The following TMEM116 variants were observed in gnomAD, a reference collection of about 807,000 sequenced individuals.
The protein encoded by TMEM116 is transmembrane protein 116.
In TMEM116, 38 loss-of-function variants were observed where a neutral mutation model predicts 44.3. The ratio of observed to expected loss-of-function variants is 0.86; its 90% CI spans 0.66 to 1.12. The LOEUF (loss-of-function observed/expected upper bound fraction) is 1.12. TMEM116 is among the 50% of genes most tolerant of loss of function. TMEM116 has a pLI of 0.00. For missense variants in TMEM116, 354 were observed against 401.7 expected (o/e 0.88, Z 1.01); for synonymous variants, 132 against 144.8 (o/e 0.91, Z 0.64).
At chr12:111,983,974 C>T (rs2076087216) in intron 4 of TMEM116, among the ~76,000 whole-genome samples, 1 of 152,012 alleles carries the variant, frequency 6.6e-6, no homozygotes, top group Non-Finnish European at 1.5e-5. Flanking sequence ...GATTATACAC[C>T]ATGATGAAAT....
At chr12:111,937,287 A>C (rs374443962) in intron 6 of TMEM116, 44 bp from the exon 7 acceptor site, 1 of 1,443,154 alleles carries the variant, frequency 6.9e-7, no homozygotes, top group Non-Finnish European at 9.7e-7. Flanking sequence ...ACTCTTTTTC[A>C]TGCCCTTCCT....
intron 4 of TMEM116, among the ~76,000 whole-genome samples, chr12:111,970,586 GTT>G (rs200011351): frequency 0.019 from 2,518 of 133,438 alleles, 69 homozygotes; most frequent in African/African-American, 0.064. Flanking sequence ...AATCAAATGG[GTT>G]TTTTTTTTTT....
rs577136535 is a variant in TMEM116, at chr12:112,012,890, C to A, written c.-34+112G>T. 3.6e-3 allele frequency: 548 copies of A among 154,178 alleles called. 1 individual carries two copies. The highest frequency in any genetic ancestry group is 6.0e-3 in the Non-Finnish European group (412 of 68,160). The allele number at this position is 154,178 out of a possible 1,614,324, so 9.6% of individuals were successfully genotyped here. ...AGAGGGCCCTGCTTGCCACACTGACCGCCAAGCCTGGCCAAAAAGCTCAGG... is the reference window on the plus strand; with the variant it reads ...AGAGGGCCCTGCTTGCCACACTGACAGCCAAGCCTGGCCAAAAAGCTCAGG... On this transcript the variant is annotated intron_variant, in intron 1 of 10. Coordinates refer to ENST00000552374, the MANE Select transcript of TMEM116 (RefSeq NM_001193531.2).
At chr12:111,977,797 T>C (rs2075748039) in intron 4 of TMEM116, among the ~76,000 whole-genome samples, 1 of 152,056 alleles carries the variant, frequency 6.6e-6, no homozygotes, top group South Asian at 2.1e-4. Flanking sequence ...TGTTACAAGG[T>C]ACCTGCACTA....
At chr12:112,006,519 T>C (rs1445054609) in intron 1 of TMEM116, among the ~76,000 whole-genome samples, 1 of 152,264 alleles carries the variant, frequency 6.6e-6, no homozygotes, top group Non-Finnish European at 1.5e-5. Context: ...GTTATTAATG[T>C]TTGTCATAAA....
At position 111,974,462 on chromosome 12, in the gene TMEM116, C is replaced by T. The variant is rs564028916; in HGVS notation, c.210+17296G>A. Among the ~76,000 whole-genome samples the T allele has an allele frequency of 2.6e-5, 4 of 151,946 alleles. No homozygotes were observed. The South Asian group carries it at 6.3e-4, about 24-fold the overall frequency. ...GTCAGGAGTTCGAGACCAGCCTGGC[C>T]AACATGGTAAAACCCTGTCTCTACT... On this transcript the variant is annotated intron_variant, in intron 4 of 10. Transcript: ENST00000552374.
intron 4 of TMEM116, among the ~76,000 whole-genome samples, chr12:111,984,966 A>G (rs1187570737): frequency 1.3e-5 from 2 of 152,176 alleles, no homozygotes; most frequent in African/African-American, 4.8e-5. Flanking sequence ...CAAAATAAAA[A>G]AACATAATAA....
intron 4 of TMEM116, among the ~76,000 whole-genome samples, chr12:111,981,320 G>A (rs1379139585): frequency 6.6e-6 from 1 of 152,084 alleles, no homozygotes; most frequent in Non-Finnish European, 1.5e-5. Flanking sequence ...AGGAAGGCAT[G>A]GTAAATTTTG....
intron 5 of TMEM116, among the ~76,000 whole-genome samples, chr12:111,942,293 C>G (rs542385302): frequency 6.8e-6 from 1 of 147,302 alleles, no homozygotes; most frequent in African/African-American, 2.5e-5. Flanking sequence ...TTTTTTGAGA[C>G]GGAGTCTCTC....
At chr12:111,936,961 C>A (rs916219806) in intron 7 of TMEM116, 131 bp from the exon 8 acceptor site, 3 of 1,062,074 alleles carry the variant, frequency 2.8e-6, no homozygotes, top group Non-Finnish European at 4.1e-6. Flanking sequence ...GTCTCTCCCC[C>A]ACAGACACAT....
At position 112,006,733 on chromosome 12, in the gene TMEM116, T is replaced by C. The variant is rs185188876; in HGVS notation, c.-33-1430A>G. On this transcript the variant is annotated intron_variant, in intron 1 of 10. Coordinates refer to ENST00000552374, the MANE Select transcript of TMEM116 (RefSeq NM_001193531.2). ...ACACAGAGTAGCATTCAAAGAAGATTTGGAAGAACTGATAAAATTTGGACA... is the reference window on the plus strand; with the variant it reads ...ACACAGAGTAGCATTCAAAGAAGATCTGGAAGAACTGATAAAATTTGGACA... Among the ~76,000 whole-genome samples, 152 of 152,264 alleles carry C rather than the reference T, an allele frequency of 1.0e-3. 2 individuals are homozygous for C. Among genetic ancestry groups the C allele is most frequent in the Admixed American group, 9.2e-3 (140 of 15,290 alleles).
chr12:111,933,044 C>A (rs903314160), intron 9 of TMEM116, among the ~76,000 whole-genome samples: 27 of 152,196 alleles, frequency 1.8e-4, no homozygotes, highest in African/African-American at 6.3e-4. Flanking sequence ...AGGTTGAGAC[C>A]AGCCTGGCCA....
chr12:111,931,831 G>C lies in TMEM116; in HGVS notation c.808-4C>G, dbSNP rs756385901. The C allele has an allele frequency of 6.7e-7, 1 of 1,503,148 alleles. No individual in the cohort carries two copies. Among genetic ancestry groups the C allele is most frequent in the African/African-American group, 1.4e-5 (1 of 70,242 alleles). The allele number at this position is 1,503,148 out of a possible 1,614,324, so 93.1% of individuals were successfully genotyped here. ...CCTGAGATGTTGCCGTTAGAGCCTG[G>C]AGGAGATGAAGGGGTGATGCAGCCC... On this transcript the variant is annotated splice_region_variant and splice_polypyrimidine_tract_variant and intron_variant, in intron 10 of 10. Coordinates refer to ENST00000552374, the MANE Select transcript of TMEM116 (RefSeq NM_001193531.2).
intron 4 of TMEM116, among the ~76,000 whole-genome samples, chr12:111,983,893 T>A (rs2076082214): frequency 6.6e-6 from 1 of 151,924 alleles, no homozygotes; most frequent in African/African-American, 2.4e-5. Context: ...CAGACCAATA[T>A]CCCTGATGAA....
chr12:111,940,565 GTGTATATA>G lies in TMEM116; in HGVS notation c.316-2363_316-2356del, dbSNP rs1242612423. 3.1e-5 allele frequency among the ~76,000 whole-genome samples: 4 copies of G among 127,944 alleles called. No individual in the cohort carries two copies. In the East Asian group the frequency reaches 1.6e-3, roughly 52 times the overall value. 83.9% of individuals were successfully genotyped at this position (127,944 alleles called of 152,430 possible). A position where few individuals can be genotyped will look rare whatever the true frequency, so the allele number is the denominator to read the frequency against. On this transcript the variant is annotated intron_variant, in intron 5 of 10. Coordinates refer to ENST00000552374, the MANE Select transcript of TMEM116 (RefSeq NM_001193531.2). ...TATATACACACACACATATATATGT[GTGTATATA>G]TATATATATATCTTCGGCTAAAGCT...
rs59103081 is a variant in TMEM116, at chr12:111,991,217, C to CAAA, written c.210+538_210+540dup. 8.1e-4 allele frequency among the ~76,000 whole-genome samples: 51 copies of CAAA among 62,760 alleles called. 1 individual carries two copies. Among genetic ancestry groups the CAAA allele is most frequent in the East Asian group, 2.9e-3 (7 of 2,456 alleles). The allele number at this position is 62,760 out of a possible 152,430, so 41.2% of individuals were successfully genotyped here. On this transcript the variant is annotated intron_variant, in intron 4 of 10. Transcript: ENST00000552374. ...CTGGCGACAGAGCGAGACTCTGTCT[C>CAAA]AAAAAAAAAAAAAAAAAAAAAACGG...
chr12:111,938,144 T>C lies in TMEM116; in HGVS notation c.365+17A>G. 1 of 1,578,564 alleles carries C rather than the reference T, an allele frequency of 6.3e-7. No individual in the cohort carries two copies. Among genetic ancestry groups the C allele is most frequent in the African/African-American group, 1.4e-5 (1 of 73,340 alleles). On this transcript the variant is annotated intron_variant, in intron 6 of 10. Coordinates refer to ENST00000552374, the MANE Select transcript of TMEM116 (RefSeq NM_001193531.2). ...TGAGAGTCTACACCTCGCTAAGAAG[T>C]AAAGAAAAAATTTTACCTTGAGAAA...
chr12:111,991,119 T>C (rs751461441), intron 4 of TMEM116, among the ~76,000 whole-genome samples: 2 of 147,192 alleles, frequency 1.4e-5, no homozygotes, highest in Admixed American at 1.4e-4. Context: ...CTCAGGAGGC[T>C]GAGGCAAGAG....
intron 4 of TMEM116, among the ~76,000 whole-genome samples, chr12:111,966,615 C>A (rs2075002173): frequency 1.3e-5 from 2 of 152,178 alleles, no homozygotes; most frequent in Admixed American, 1.3e-4. Context: ...AGGTGTTAGA[C>A]CACATAAAAT....
Sources: gnomAD v4.1 joint callset for allele counts (sites outside exome capture counted in the v4.1 genomes callset) on GRCh38, gnomAD v4.1.1 for gene constraint, MANE v1.5 for transcripts, NCBI Gene and HGNC (gene_info 2026-07-23, HGNC 2026-07-21) for gene names.